The following SPNS3 variants were observed in gnomAD, a reference collection of about 807,000 sequenced individuals.
SPNS3 encodes the protein protein spinster homolog 3.
SPNS3 carries 51 observed loss-of-function variants against 54.4 expected under a neutral mutation model. That is an observed-to-expected ratio of 0.94 (90% confidence interval 0.75 to 1.18). The LOEUF (loss-of-function observed/expected upper bound fraction) is 1.18, where lower values mean the gene tolerates loss of function less well. SPNS3 is among the 50% of genes most tolerant of loss of function. The probability of loss-of-function intolerance (pLI) is 0.00; values close to 1 mark genes in which losing one functional copy is unlikely to be tolerated. For missense variants in SPNS3, 669 were observed against 677.4 expected, an observed-to-expected ratio of 0.99 and a Z score of 0.14; for synonymous variants, 309 against 294.7, an observed-to-expected ratio of 1.05 and a Z score of -0.50.
chr17:4,482,366 A>T (rs1972185597), intron 9 of SPNS3: 1 of 152,226 alleles, frequency 6.6e-6, no homozygotes, highest in African/African-American at 2.4e-5. Flanking sequence ...AGTCTGATTC[A>T]GTGGGTCCGT....
intron 7 of SPNS3, among the ~76,000 whole-genome samples, chr17:4,451,264 TC>T (rs11285864): frequency 0.52 from 75,673 of 145,756 alleles, 20,624 homozygotes; most frequent in Admixed American, 0.62. Flanking sequence ...TTTTTTTTTT[TC>T]CATTTGAGAC....
intron 1 of SPNS3, among the ~76,000 whole-genome samples, chr17:4,438,271 GC>G (rs1157411611): frequency 1.3e-5 from 2 of 152,190 alleles, no homozygotes; most frequent in African/African-American, 4.8e-5. Context: ...TGAGATTTGA[GC>G]CCCAGCTCCC....
intron 2 of SPNS3, among the ~76,000 whole-genome samples, chr17:4,441,553 A>G (rs1970848088): frequency 6.6e-6 from 1 of 152,128 alleles, no homozygotes; most frequent in Non-Finnish European, 1.5e-5. Flanking sequence ...TCGATTAAAT[A>G]GATAATGGTG....
intron 7 of SPNS3, among the ~76,000 whole-genome samples, chr17:4,451,248 T>A (rs1971155806): frequency 8.2e-6 from 1 of 121,252 alleles, no homozygotes; most frequent in Non-Finnish European, 1.8e-5. Context: ...TTCTTCTTCT[T>A]TGTTTTTTTT....
rs17223636 is a variant in SPNS3, at chr17:4,449,370, G to A, written c.906G>A (p.Pro302=). Residue 302 remains proline, a synonymous_variant, in exon 7 of 12, where the codon CCG becomes CCA. Coordinates refer to ENST00000355530, the MANE Select transcript of SPNS3 (RefSeq NM_182538.5). The part of the protein sequence containing the change: ...HGLQPPCFQE[P]CSNPDSLIFG... ...TGCAGCCTCCCTGCTTCCAGGAGCC[G>A]TGCAGCAACCCCGACAGGTGAGGGC... is the stretch of plus-strand genomic sequence containing the variant. 2,729 of 1,602,680 alleles carry A rather than the reference G, an allele frequency of 1.7e-3. 29 individuals are homozygous for A. In the Admixed American group the frequency reaches 0.02, roughly 12 times the overall value.
chr17:4,460,395 G>T (rs1321545443), intron 8 of SPNS3, among the ~76,000 whole-genome samples: 1 of 150,952 alleles, frequency 6.6e-6, no homozygotes, highest in Admixed American at 6.6e-5. Flanking sequence ...GTTTGCCATG[G>T]TCATTGTGGG....
At chr17:4,472,012 C>T (rs1042020409) in intron 8 of SPNS3, among the ~76,000 whole-genome samples, 3 of 152,008 alleles carry the variant, frequency 2.0e-5, no homozygotes, top group Non-Finnish European at 4.4e-5. Flanking sequence ...GCGTGCTCCA[C>T]GACGCCAGCC....
At chr17:4,447,097 C>G in intron 5 of SPNS3, 135 bp downstream of exon 5, 3 of 876,302 alleles carry the variant, frequency 3.4e-6, no homozygotes, top group Non-Finnish European at 5.5e-6. Context: ...CAGGCATCGG[C>G]AGCTTTGGAC....
At chr17:4,443,810 TG>T (rs1970912692) in intron 2 of SPNS3, among the ~76,000 whole-genome samples, 1 of 152,136 alleles carries the variant, frequency 6.6e-6, no homozygotes, top group African/African-American at 2.4e-5. Context: ...AATAGAAAAA[TG>T]GACAGTGGGC....
intron 8 of SPNS3, among the ~76,000 whole-genome samples, chr17:4,472,774 C>CTTTTTTT (rs375118697): frequency 5.7e-4 from 29 of 50,970 alleles, no homozygotes; most frequent in African/African-American, 2.2e-3. Context: ...GCTTGGCAGC[C>CTTTTTTT]TTTTTTTTTT....
At position 4,446,197 on chromosome 17, in the gene SPNS3, A is replaced by C. The variant is rs909149361; in HGVS notation, c.552A>C (p.Gly184=). Residue 184 remains glycine (G), a splice_region_variant and synonymous_variant, in exon 4 of 12, where the codon GGA becomes GGC. Coordinates refer to ENST00000355530, the MANE Select transcript of SPNS3 (RefSeq NM_182538.5). ...TCTTCTACATCTTTATCCCCGTTGG[A>C]AGGTTGGTATCACCCGTGGGTCTAC... ...LAVFYIFIPV[G]SGLGYVLGSA... is the part of the protein sequence containing the mutation. 5 of 1,608,390 alleles carry C rather than the reference A, an allele frequency of 3.1e-6. No homozygotes were observed. The highest frequency in any genetic ancestry group is 3.3e-5 in the Admixed American group (2 of 59,724).
At chr17:4,458,283 G>C (rs1971368272) in intron 8 of SPNS3, among the ~76,000 whole-genome samples, 2 of 152,050 alleles carry the variant, frequency 1.3e-5, no homozygotes, top group South Asian at 4.2e-4. Flanking sequence ...CTGCCAGAGT[G>C]AGCTAGCTAG....
chr17:4,446,122 C>T lies in SPNS3; in HGVS notation c.477C>T (p.Thr159=), dbSNP rs147490508. 3.6e-4 allele frequency: 581 copies of T among 1,613,634 alleles called. 3 individuals are homozygous for T. The African/African-American group carries it at 6.1e-3, about 17-fold the overall frequency. ...GSASYSTIAP[T]VLGDLFVRDQ... is the part of the protein sequence containing the mutation. ...CCAGCTACTCCACCATCGCGCCCACCGTCCTGGGCGACCTCTTCGTGAGGG... is the reference window on the plus strand; with the variant it reads ...CCAGCTACTCCACCATCGCGCCCACTGTCCTGGGCGACCTCTTCGTGAGGG... Residue 159 remains threonine (T), a synonymous_variant, in exon 4 of 12, where the codon ACC becomes ACT. Coordinates refer to ENST00000355530, the MANE Select transcript of SPNS3 (RefSeq NM_182538.5).
In SPNS3 at chr17:4,445,994, T is replaced by C. The variant is rs1360126039; in HGVS notation, c.403-54T>C. The C allele has an allele frequency of 5.2e-6, 8 of 1,545,444 alleles. No individual in the cohort carries two copies. The East Asian group carries it at 1.8e-4, about 35-fold the overall frequency. On this transcript the variant is annotated intron_variant, in intron 3 of 11. Transcript: ENST00000355530. ...CTCCTCCGACAAACCCTCGGGTCCC[T>C]GGCCCTATGGGTGATTTCTGGAACT...
chr17:4,470,254 C>T (rs939618891), intron 8 of SPNS3, among the ~76,000 whole-genome samples: 1 of 151,968 alleles, frequency 6.6e-6, no homozygotes, highest in East Asian at 1.9e-4. Context: ...CATGGTGAAA[C>T]CCCGTCTCTA....
In SPNS3 at chr17:4,447,066, A is replaced by T; in HGVS notation, c.621+104A>T. 2.2e-5 allele frequency: 22 copies of T among 1,010,102 alleles called. 1 individual carries two copies. Among genetic ancestry groups the T allele is most frequent in the African/African-American group, 1.1e-4 (3 of 27,816 alleles). 62.6% of individuals were successfully genotyped at this position (1,010,102 alleles called of 1,614,324 possible). A position where few individuals can be genotyped will look rare whatever the true frequency, so the allele number is the denominator to read the frequency against. On this transcript the variant is annotated intron_variant, in intron 5 of 11. Transcript: ENST00000355530. ...ACTTGGCGTAGCACCCGGCGCCATTAGGGGGACGGGGGGTGGTGGTCAGGC... is the reference window on the plus strand; with the variant it reads ...ACTTGGCGTAGCACCCGGCGCCATTTGGGGGACGGGGGGTGGTGGTCAGGC...
At chr17:4,468,721 TTTTCTTTCTTTCTTTC>T (rs779220181) in intron 8 of SPNS3, among the ~76,000 whole-genome samples, 54 of 121,450 alleles carry the variant, frequency 4.4e-4, no homozygotes, top group African/African-American at 1.5e-3. Context: ...TCTCTCTTTC[TTTTCTTTCTTTCTTTC>T]TTTCTTTCTT....
chr17:4,460,283 T>C (rs947593721), intron 8 of SPNS3, among the ~76,000 whole-genome samples: 9 of 152,336 alleles, frequency 5.9e-5, no homozygotes, highest in African/African-American at 2.2e-4. Flanking sequence ...GTCTTCCGCA[T>C]CTATTGAAAT....
At chr17:4,445,805 T>C (rs1970969501) in intron 3 of SPNS3, among the ~76,000 whole-genome samples, 2 of 152,006 alleles carry the variant, frequency 1.3e-5, no homozygotes, top group African/African-American at 2.4e-5. Flanking sequence ...GGAACTGGCC[T>C]GGTTAGCAAT....
Sources: gnomAD v4.1 joint callset for allele counts (sites outside exome capture counted in the v4.1 genomes callset) on GRCh38, gnomAD v4.1.1 for gene constraint, MANE v1.5 for transcripts, NCBI Gene and HGNC (gene_info 2026-07-23, HGNC 2026-07-21) for gene names.